Variants in AGAP1 observed in about 807,000 individuals in gnomAD.
AGAP1 encodes arf-GAP with GTPase, ANK repeat and PH domain-containing protein 1.
Under a neutral mutation model 105.3 loss-of-function variants are expected in AGAP1, and 29 were observed. That is an observed-to-expected ratio of 0.28 (90% CI 0.21 to 0.38). The LOEUF (loss-of-function observed/expected upper bound fraction) is 0.38. Among genes scored for constraint, AGAP1 ranks in the 10% least tolerant of loss-of-function variants. The pLI is 1.00. For missense variants in AGAP1, 998 were observed against 1,165.1 expected (o/e 0.86, Z 2.09); for synonymous variants, 509 against 485.9 (o/e 1.05, Z -0.63).
intron 1 of AGAP1, among the ~76,000 whole-genome samples, chr2:235,561,979 C>A (rs558925246): frequency 3.1e-4 from 47 of 152,160 alleles, no homozygotes; most frequent in Non-Finnish European, 5.3e-4. Flanking sequence ...TTCTCCAAAG[C>A]AAACCAGCTC....
Position 236,073,106 on chromosome 2 carries a change from C to T in AGAP1, c.2114+23825C>T, listed in dbSNP as rs1049192371. Among the ~76,000 whole-genome samples, 1 of 152,080 alleles carries T rather than the reference C, an allele frequency of 6.6e-6. No homozygotes were observed. Among genetic ancestry groups the T allele is most frequent in the African/African-American group, 2.4e-5 (1 of 41,412 alleles). On this transcript the variant is annotated intron_variant, in intron 16 of 17. Coordinates refer to ENST00000304032, the MANE Select transcript of AGAP1 (RefSeq NM_001037131.3). This position sits in a 1 kb window ranked among gnomAD's most constrained non-coding sequence, Gnocchi z 5.4. ...CGCCTCCCAGATTCGAGCGATTCTC[C>T]TGCCTTGGTCCCCCGAGTAGCTGGG...
chr2:235,922,368 C>G (rs1200521532), intron 11 of AGAP1, among the ~76,000 whole-genome samples: 1 of 152,126 alleles, frequency 6.6e-6, no homozygotes, highest in East Asian at 1.9e-4. Context: ...GGCTTTTTCC[C>G]CGCCCTCTTT....
chr2:235,787,819 C>A lies in AGAP1; in HGVS notation c.674-9940C>A, dbSNP rs1194182132. On this transcript the variant is annotated intron_variant, in intron 6 of 17. Transcript: ENST00000304032. The surrounding 1 kb of genome is among the most constrained non-coding windows in gnomAD (Gnocchi z 4.4). Reference sequence around the variant, plus strand: ...GACCAAGAGCAAGCTGAAGAGCATTCTGGGATCAAGAAGATGACCAAGTAC... The same window carrying A: ...GACCAAGAGCAAGCTGAAGAGCATTATGGGATCAAGAAGATGACCAAGTAC... Among the ~76,000 whole-genome samples the A allele has an allele frequency of 2.0e-5, 3 of 152,146 alleles. No individual in the cohort carries two copies. Among genetic ancestry groups the A allele is most frequent in the Admixed American group, 6.5e-5 (1 of 15,274 alleles).
chr2:235,668,564 C>G (rs1008842686), intron 1 of AGAP1, among the ~76,000 whole-genome samples: 2 of 152,152 alleles, frequency 1.3e-5, no homozygotes, highest in African/African-American at 4.8e-5. Flanking sequence ...TTGTATTTTT[C>G]CTTCTGAAAC....
At chr2:235,756,140 G>A (rs1037536748) in intron 6 of AGAP1, among the ~76,000 whole-genome samples, 12 of 152,162 alleles carry the variant, frequency 7.9e-5, no homozygotes, top group Non-Finnish European at 1.3e-4. Flanking sequence ...GTTAGGTTTT[G>A]GAGAGTGTAA....
rs527800605 is a variant in AGAP1 at position 236,131,486 on chromosome 2, G to T, written c.*7364G>T. On this transcript the variant is annotated 3_prime_UTR_variant, in exon 18 of 18. Transcript: ENST00000304032. This position sits in a 1 kb window ranked among gnomAD's most constrained non-coding sequence, Gnocchi z 5.9. ...GTGGGTGTATCCACAGATGGGTTTA[G>T]GTTTTTTTTTTGGATGTTTTCTATT... 6.6e-6 allele frequency: 1 copy of T among 152,110 alleles called. No homozygotes were observed. The highest frequency in any genetic ancestry group is 1.5e-5 in the Non-Finnish European group (1 of 67,988). 9.4% of individuals were successfully genotyped at this position (152,110 alleles called of 1,614,324 possible). A position where few individuals can be genotyped will look rare whatever the true frequency, so the allele number is the denominator to read the frequency against.
rs982945397 is a variant in AGAP1, at chr2:236,012,273, G to A, written c.1646-24288G>A. ...CGAGGAAAGAGGCTTTCTGCACTCG[G>A]GCACCCCTCCCCTCCCGAGGGGTGC... On this transcript the variant is annotated intron_variant, in intron 13 of 17. Coordinates refer to ENST00000304032, the MANE Select transcript of AGAP1 (RefSeq NM_001037131.3). This position sits in a 1 kb window ranked among gnomAD's most constrained non-coding sequence, Gnocchi z 4.9. 6.6e-6 allele frequency among the ~76,000 whole-genome samples: 1 copy of A among 151,818 alleles called. No individual in the cohort carries two copies. Among genetic ancestry groups the A allele is most frequent in the Non-Finnish European group, 1.5e-5 (1 of 67,940 alleles).
In AGAP1 at chr2:235,747,934, G is replaced by A. The variant is rs11691248; in HGVS notation, c.539-2420G>A. On this transcript the variant is annotated intron_variant, in intron 5 of 17. Coordinates refer to ENST00000304032, the MANE Select transcript of AGAP1 (RefSeq NM_001037131.3). This position sits in a 1 kb window ranked among gnomAD's most constrained non-coding sequence, Gnocchi z 5.0. ...ATTCCTGGGCTGGGGTGAGGCCTCC[G>A]CCCGCTGGCGGGAGGGGCAGCTCTG... Among the ~76,000 whole-genome samples the A allele has an allele frequency of 0.25, 37,482 of 152,226 alleles. 5,732 individuals carry two copies. The highest frequency in any genetic ancestry group is 0.34 in the Non-Finnish European group (23,052 of 67,980).
intron 16 of AGAP1, among the ~76,000 whole-genome samples, chr2:236,052,187 T>C (rs2057920723): frequency 6.6e-6 from 1 of 152,136 alleles, no homozygotes; most frequent in Admixed American, 6.5e-5. Context: ...CCAAGTGCAA[T>C]ATATTTGGTG....
intron 1 of AGAP1, among the ~76,000 whole-genome samples, chr2:235,592,903 A>G (rs1945399071): frequency 6.6e-6 from 1 of 152,126 alleles, no homozygotes; most frequent in Non-Finnish European, 1.5e-5. Context: ...CTGGTGTCTC[A>G]GGGAGACACC....
In AGAP1 at chr2:236,036,718, G is replaced by A; in HGVS notation, c.1800+3G>A. On this transcript the variant is annotated splice_donor_region_variant and intron_variant, in intron 14 of 17. Coordinates refer to ENST00000304032, the MANE Select transcript of AGAP1 (RefSeq NM_001037131.3). The surrounding 1 kb of genome is among the most constrained non-coding windows in gnomAD (Gnocchi z 5.7). ...CGTGCGAGAGCAGCAAGAACAAGGT[G>A]AGGCCCCTGGCTGCCCAAAACCAAG... 1 of 1,614,110 alleles carries A rather than the reference G, an allele frequency of 6.2e-7. No homozygotes were observed.
At position 235,867,426 on chromosome 2, in the gene AGAP1, G is replaced by A. The variant is rs1031933282; in HGVS notation, c.1051-15919G>A. On this transcript the variant is annotated intron_variant, in intron 9 of 17. Transcript: ENST00000304032. The surrounding 1 kb of genome is among the most constrained non-coding windows in gnomAD (Gnocchi z 5.4). ...GTGGGAGCTTGCCGGCCCCAGTCCCGTAGGATCCCCAACGCTAATAGTCTG... is the reference window on the plus strand; with the variant it reads ...GTGGGAGCTTGCCGGCCCCAGTCCCATAGGATCCCCAACGCTAATAGTCTG... Among the ~76,000 whole-genome samples, 8 of 152,258 alleles carry A rather than the reference G, an allele frequency of 5.3e-5. No homozygotes were observed. The highest frequency in any genetic ancestry group is 9.6e-5 in the African/African-American group (4 of 41,554).
intron 9 of AGAP1, among the ~76,000 whole-genome samples, chr2:235,869,420 TAAAAAAAAAAAAAA>T (rs35813316): frequency 0.017 from 839 of 50,002 alleles, 17 homozygotes; most frequent in African/African-American, 0.051. Flanking sequence ...CCATCTCTAC[TAAAAAAAAAAAAAA>T]AAAAAAAAAA....
At chr2:235,986,668 G>GT in intron 13 of AGAP1, among the ~76,000 whole-genome samples, 1 of 152,258 alleles carries the variant, frequency 6.6e-6, no homozygotes, top group African/African-American at 2.4e-5. Context: ...TTTATTGAAA[G>GT]TTTTTAATAT....
In AGAP1 at chr2:235,690,926, G is replaced by A. The variant is rs1033772940; in HGVS notation, c.164-18253G>A. ...ACTTCGGATCTGGCCTGAGGGTTTG[G>A]CAGGGATTCGTGGCTGCTATTTTAG... On this transcript the variant is annotated intron_variant, in intron 1 of 17. Transcript: ENST00000304032. The surrounding 1 kb of genome is among the most constrained non-coding windows in gnomAD (Gnocchi z 4.1). 2.6e-5 allele frequency among the ~76,000 whole-genome samples: 4 copies of A among 152,146 alleles called. No individual in the cohort carries two copies. Among genetic ancestry groups the A allele is most frequent in the Non-Finnish European group, 5.9e-5 (4 of 68,026 alleles).
chr2:235,895,934 T>C (rs1462320897), intron 10 of AGAP1, among the ~76,000 whole-genome samples: 1 of 152,206 alleles, frequency 6.6e-6, no homozygotes, highest in Non-Finnish European at 1.5e-5. Flanking sequence ...AGCTTCAGGA[T>C]TTTGTTTGTT....
intron 1 of AGAP1, among the ~76,000 whole-genome samples, chr2:235,579,980 A>G (rs1327488770): frequency 6.6e-6 from 1 of 151,778 alleles, no homozygotes; most frequent in Non-Finnish European, 1.5e-5. Flanking sequence ...TGGACATTTC[A>G]TATAAACAGA....
At chr2:235,986,188 C>T (rs771012617) in intron 13 of AGAP1, among the ~76,000 whole-genome samples, 1 of 152,018 alleles carries the variant, frequency 6.6e-6, no homozygotes, top group Admixed American at 6.6e-5. Flanking sequence ...CCTTCACATC[C>T]CTTGTTAGTT....
intron 9 of AGAP1, among the ~76,000 whole-genome samples, chr2:235,815,810 T>A (rs1958419842): frequency 6.6e-6 from 1 of 152,220 alleles, no homozygotes; most frequent in African/African-American, 2.4e-5. Context: ...GAAATAAGAC[T>A]GTTGCTGGAA....
Sources: allele counts gnomAD v4.1 joint callset (sites outside exome capture counted in the v4.1 genomes callset), GRCh38; gene constraint gnomAD v4.1.1; non-coding constraint Gnocchi (gnomAD v3.1); transcripts MANE v1.5; gene names NCBI Gene and HGNC (gene_info 2026-07-23, HGNC 2026-07-21).